AFG1L: variants seen among roughly 807,000 people sequenced by gnomAD.
AFG1L encodes AFG1 like ATPase.
Under a neutral mutation model 62.2 loss-of-function variants are expected in AFG1L, and 53 were observed. That is an observed-to-expected ratio of 0.85 (90% CI 0.68 to 1.07). AFG1L has a LOEUF of 1.07. Ranked by LOEUF, AFG1L falls within the 50% of genes least tolerant of loss-of-function variation. The pLI is 0.00. For missense variants in AFG1L, 555 were observed against 590.5 expected (o/e 0.94, Z 0.62); for synonymous variants, 228 against 210.3 (o/e 1.08, Z -0.73).
intron 7 of AFG1L, among the ~76,000 whole-genome samples, chr6:108,424,477 G>A (rs1377955991): frequency 5.9e-5 from 9 of 151,974 alleles, no homozygotes. Context: ...ATTTCAACAT[G>A]CATTTACGAA....
At chr6:108,513,559 A>G (rs759695809) in intron 11 of AFG1L, among the ~76,000 whole-genome samples, 1 of 152,190 alleles carries the variant, frequency 6.6e-6, no homozygotes, top group Non-Finnish European at 1.5e-5. Context: ...GGCAGCGAGG[A>G]TGGTGGAGGG....
At chr6:108,332,703 G>C (rs1257736603) in intron 2 of AFG1L, among the ~76,000 whole-genome samples, 2 of 152,024 alleles carry the variant, frequency 1.3e-5, no homozygotes, top group Non-Finnish European at 2.9e-5. Flanking sequence ...GACCTCCCAG[G>C]CTCAAGCAAT....
chr6:108,335,532 A>C (rs1177202491), intron 2 of AFG1L, among the ~76,000 whole-genome samples: 1 of 152,258 alleles, frequency 6.6e-6, no homozygotes, highest in Non-Finnish European at 1.5e-5. Flanking sequence ...CTAACCCTGA[A>C]GATGCCTGGA....
At chr6:108,485,656 ATTTTTTTTTTTTTT>A (rs397842829) in intron 10 of AFG1L, among the ~76,000 whole-genome samples, 2 of 25,032 alleles carry the variant, frequency 8.0e-5, no homozygotes, top group African/African-American at 2.6e-4. Flanking sequence ...ATATATATAT[ATTTTTTTTTTTTTT>A]TTTTTTTTTT....
chr6:108,505,897 A>T (rs1774401540), intron 10 of AFG1L, among the ~76,000 whole-genome samples: 1 of 152,196 alleles, frequency 6.6e-6, no homozygotes, highest in Admixed American at 6.5e-5. Context: ...AAGGGAATGG[A>T]GCAGAGGCAA....
chr6:108,308,143 C>G (rs1291457110), intron 1 of AFG1L, among the ~76,000 whole-genome samples: 1 of 152,028 alleles, frequency 6.6e-6, no homozygotes, highest in Non-Finnish European at 1.5e-5. Flanking sequence ...ATAAGGCTAG[C>G]TTTTTCATTA....
At chr6:108,482,597 T>C (rs1773368345) in intron 10 of AFG1L, among the ~76,000 whole-genome samples, 1 of 152,180 alleles carries the variant, frequency 6.6e-6, no homozygotes, top group African/African-American at 2.4e-5. Context: ...AATACCACAT[T>C]ACCTTAGCTA....
chr6:108,486,746 T>A (rs1049146209), intron 10 of AFG1L, among the ~76,000 whole-genome samples: 1 of 151,938 alleles, frequency 6.6e-6, no homozygotes, highest in Non-Finnish European at 1.5e-5. Context: ...TGAGACGGAG[T>A]CTTGCTCTGT....
chr6:108,308,365 G>A (rs577426347), intron 1 of AFG1L, among the ~76,000 whole-genome samples: 1 of 152,202 alleles, frequency 6.6e-6, no homozygotes, highest in Admixed American at 6.5e-5. Context: ...TGCCCAGGTT[G>A]TTCTCAGACT....
Position 108,371,370 on chromosome 6 carries a change from A to T in AFG1L, c.748+5038A>T, listed in dbSNP as rs569144342. ...GGCAGGAAAATTGCTTGAGCGCAGGAGTTTGAGACTAGCCTGGGCAACATA... is the reference window on the plus strand; with the variant it reads ...GGCAGGAAAATTGCTTGAGCGCAGGTGTTTGAGACTAGCCTGGGCAACATA... On this transcript the variant is annotated intron_variant, in intron 6 of 12. Coordinates refer to ENST00000368977, the MANE Select transcript of AFG1L (RefSeq NM_145315.5). Among the ~76,000 whole-genome samples, 9 of 152,120 alleles carry T rather than the reference A, an allele frequency of 5.9e-5. No homozygotes were observed. In the East Asian group the frequency reaches 1.7e-3, roughly 30 times the overall value.
chr6:108,297,492 C>T (rs1158917127), intron 1 of AFG1L, among the ~76,000 whole-genome samples: 1 of 152,128 alleles, frequency 6.6e-6, no homozygotes, highest in Non-Finnish European at 1.5e-5. Context: ...CTATCCCTTT[C>T]CTGTTTTTTT....
chr6:108,389,758 G>C (rs1408790847), intron 6 of AFG1L, among the ~76,000 whole-genome samples: 1 of 152,202 alleles, frequency 6.6e-6, no homozygotes, highest in South Asian at 2.1e-4. Context: ...CTGTTAGTGT[G>C]ATGGGCTTCC....
Position 108,352,786 on chromosome 6 carries a change from G to A in AFG1L, c.416-2868G>A, listed in dbSNP as rs1386821448. On this transcript the variant is annotated intron_variant, in intron 3 of 12. Coordinates refer to ENST00000368977, the MANE Select transcript of AFG1L (RefSeq NM_145315.5). Reference sequence around the variant, plus strand: ...TTGCCATATCACCCGGGCTGGTCTCGAACACCTGGACTCAAGTAATCTGCC... The same window carrying A: ...TTGCCATATCACCCGGGCTGGTCTCAAACACCTGGACTCAAGTAATCTGCC... 3.3e-5 allele frequency among the ~76,000 whole-genome samples: 5 copies of A among 151,932 alleles called. No homozygotes were observed. In the East Asian group the frequency reaches 9.7e-4, roughly 29 times the overall value.
intron 5 of AFG1L, among the ~76,000 whole-genome samples, chr6:108,364,967 G>T (rs944663056): frequency 6.6e-6 from 1 of 151,402 alleles, no homozygotes; most frequent in African/African-American, 2.4e-5. Flanking sequence ...ATTTAGACCT[G>T]TGCAACCCAG....
chr6:108,414,715 T>A (rs186295682), intron 7 of AFG1L, among the ~76,000 whole-genome samples: 1 of 152,302 alleles, frequency 6.6e-6, no homozygotes, highest in East Asian at 1.9e-4. Context: ...TTGACAAAAT[T>A]CAATAGCTCT....
chr6:108,348,104 G>A (rs1778937069), intron 3 of AFG1L, among the ~76,000 whole-genome samples: 1 of 151,692 alleles, frequency 6.6e-6, no homozygotes, highest in Admixed American at 6.6e-5. Context: ...GTTTTGAGAT[G>A]GAGTCTCTCT....
intron 6 of AFG1L, among the ~76,000 whole-genome samples, chr6:108,376,059 A>G (rs1780232215): frequency 6.6e-6 from 1 of 152,124 alleles, no homozygotes; most frequent in African/African-American, 2.4e-5. Context: ...TGTTTCCAGG[A>G]ATTAATCCAT....
chr6:108,439,285 T>G (rs995546512), intron 7 of AFG1L, among the ~76,000 whole-genome samples: 2 of 152,208 alleles, frequency 1.3e-5, no homozygotes, highest in African/African-American at 4.8e-5. Flanking sequence ...TCATTATATC[T>G]CTAGTAGCCA....
chr6:108,371,320 C>T (rs914617770), intron 6 of AFG1L, among the ~76,000 whole-genome samples: 1 of 152,118 alleles, frequency 6.6e-6, no homozygotes, highest in Admixed American at 6.5e-5. Flanking sequence ...CTCATGCTTA[C>T]AATCCCAGCT....
Sources: allele counts gnomAD v4.1 joint callset (sites outside exome capture counted in the v4.1 genomes callset), GRCh38; gene constraint gnomAD v4.1.1; transcripts MANE v1.5; gene names NCBI Gene and HGNC (gene_info 2026-07-23, HGNC 2026-07-21).